The following HLCS variants were observed in gnomAD, a reference collection of about 807,000 sequenced individuals.
HLCS encodes the protein biotin--protein ligase.
In HLCS, 53 loss-of-function variants were observed where a neutral mutation model predicts 75.0. The ratio of observed to expected loss-of-function variants is 0.71; its 90% CI spans 0.57 to 0.89. The LOEUF (loss-of-function observed/expected upper bound fraction) is 0.89, where lower values mean the gene tolerates loss of function less well. Among genes scored for constraint, HLCS ranks in the 40% least tolerant of loss-of-function variants. HLCS has a pLI of 0.00. For synonymous variants in HLCS, 431 were observed against 428.6 expected, an observed-to-expected ratio of 1.01 and a Z score of -0.07; for missense variants, 966 against 1,074.0, an observed-to-expected ratio of 0.90 and a Z score of 1.41.
At chr21:36,881,471 C>T (rs1010177469) in intron 6 of HLCS, among the ~76,000 whole-genome samples, 4 of 152,140 alleles carry the variant, frequency 2.6e-5, no homozygotes, top group Non-Finnish European at 5.9e-5. Context: ...CTGGGAAGCA[C>T]GGAATGAAGC....
chr21:36,921,424 A>AAC (rs3838089), intron 5 of HLCS, among the ~76,000 whole-genome samples: 66,844 of 151,938 alleles, frequency 0.44, 15,508 homozygotes, highest in African/African-American at 0.59. Context: ...CAGCCTGGGT[A>AAC]AGAGTGAGAC....
chr21:36,962,635 C>A (rs1331109953), intron 1 of HLCS, among the ~76,000 whole-genome samples: 1 of 151,560 alleles, frequency 6.6e-6, no homozygotes, highest in Admixed American at 6.6e-5. Flanking sequence ...AAAAAACATA[C>A]CAAAAAAATG....
At chr21:36,983,173 T>C (rs1372145139) in intron 1 of HLCS, among the ~76,000 whole-genome samples, 1 of 148,814 alleles carries the variant, frequency 6.7e-6, no homozygotes, top group East Asian at 2.0e-4. Flanking sequence ...CCACGGTCCA[T>C]ACAACCTCTT....
intron 5 of HLCS, among the ~76,000 whole-genome samples, chr21:36,921,212 C>T (rs1337303241): frequency 3.3e-5 from 5 of 152,134 alleles, no homozygotes; most frequent in East Asian, 1.9e-4. Flanking sequence ...TTTGGGGAGC[C>T]GAGGCAGGCG....
At chr21:36,946,689 A>T (rs2067414138) in intron 2 of HLCS, among the ~76,000 whole-genome samples, 1 of 152,144 alleles carries the variant, frequency 6.6e-6, no homozygotes, top group Non-Finnish European at 1.5e-5. Flanking sequence ...GCAGGCCTTT[A>T]TGGCCAACTC....
At chr21:36,977,842 C>T (rs981845646) in intron 1 of HLCS, among the ~76,000 whole-genome samples, 3 of 151,918 alleles carry the variant, frequency 2.0e-5, no homozygotes, top group African/African-American at 7.3e-5. Context: ...AGAGAACAGC[C>T]ACACAGGCTA....
chr21:36,946,642 CTTGAGAAACATTGCG>C (rs1276650349), intron 2 of HLCS, among the ~76,000 whole-genome samples: 1 of 151,740 alleles, frequency 6.6e-6, no homozygotes, highest in Non-Finnish European at 1.5e-5. Context: ...AAAAAAAAAA[CTTGAGAAACATTGCG>C]TTTGAGGGGA....
chr21:36,972,152 T>A (rs2146712796), intron 1 of HLCS: 1 of 152,204 alleles, frequency 6.6e-6, no homozygotes, highest in East Asian at 1.9e-4. Flanking sequence ...CAGGACATGG[T>A]ACAAGATTTT....
Position 36,903,593 on chromosome 21 carries a change from A to T in HLCS, c.1621-6462T>A, listed in dbSNP as rs187219480. On this transcript the variant is annotated intron_variant, in intron 5 of 10. Transcript: ENST00000674895. ...ATTCAAAGTCAATGAAAACCAGGATAAAATGAAAAAGAAACAACCAGCACT... is the reference window on the plus strand; with the variant it reads ...ATTCAAAGTCAATGAAAACCAGGATTAAATGAAAAAGAAACAACCAGCACT... 1.6e-4 allele frequency among the ~76,000 whole-genome samples: 24 copies of T among 152,384 alleles called. No homozygotes were observed. In the East Asian group the frequency reaches 4.0e-3, roughly 26 times the overall value.
rs749174013 is a variant in HLCS at position 36,868,658 on chromosome 21, TA to T, written c.1892+28201del. 1.4e-3 allele frequency among the ~76,000 whole-genome samples: 204 copies of T among 145,502 alleles called. 4 individuals carry two copies. Among genetic ancestry groups the T allele is most frequent in the South Asian group, 0.01 (48 of 4,586 alleles). The stretch of plus-strand genomic sequence containing the variant: ...ATGATGACCAAAATAAAAATAGTCA[TA>T]AAAAAAAAAGGCGTCATGAGAACAT... On this transcript the variant is annotated intron_variant, in intron 6 of 10. Coordinates refer to ENST00000674895, the MANE Select transcript of HLCS (RefSeq NM_001352514.2).
At chr21:36,965,836 A>C (rs1271404337) in intron 1 of HLCS, among the ~76,000 whole-genome samples, 1 of 151,186 alleles carries the variant, frequency 6.6e-6, no homozygotes, top group Non-Finnish European at 1.5e-5. Flanking sequence ...GGCTCAAGTG[A>C]ACCTCCCGGG....
rs926273574 is a variant in HLCS at position 36,791,242 on chromosome 21, C to T, written c.1893-23957G>A. Among the ~76,000 whole-genome samples the T allele has an allele frequency of 3.3e-5, 5 of 152,076 alleles. No individual in the cohort carries two copies. In the East Asian group the frequency reaches 5.8e-4, roughly 18 times the overall value. On this transcript the variant is annotated intron_variant, in intron 6 of 10. Transcript: ENST00000674895. ...ATAAGGAAACCCCACATAGGATGTCCGGGGCAACAACATGCAGACCCCCAC... is the reference window on the plus strand; with the variant it reads ...ATAAGGAAACCCCACATAGGATGTCTGGGGCAACAACATGCAGACCCCCAC...
At chr21:36,917,380 C>T (rs758034181) in intron 5 of HLCS, among the ~76,000 whole-genome samples, 6 of 152,202 alleles carry the variant, frequency 3.9e-5, no homozygotes, top group African/African-American at 7.2e-5. Flanking sequence ...GATTTCCATC[C>T]TCATGGAGCC....
intron 6 of HLCS, among the ~76,000 whole-genome samples, chr21:36,801,160 G>A (rs1050537826): frequency 2.0e-5 from 3 of 152,156 alleles, no homozygotes; most frequent in Non-Finnish European, 4.4e-5. Flanking sequence ...TTAAAGACCA[G>A]ACTGGTCAAT....
At chr21:36,806,589 G>T (rs2061367398) in intron 6 of HLCS, among the ~76,000 whole-genome samples, 1 of 152,166 alleles carries the variant, frequency 6.6e-6, no homozygotes, top group Admixed American at 6.5e-5. Flanking sequence ...GGCAGAAAAG[G>T]CATTTGGTGC....
intron 5 of HLCS, among the ~76,000 whole-genome samples, chr21:36,905,844 G>T (rs139519360): frequency 6.6e-6 from 1 of 152,180 alleles, no homozygotes; most frequent in South Asian, 2.1e-4. Context: ...TTGAGGTCAG[G>T]AGTTCAAGAC....
At chr21:36,934,334 C>A (rs1336439579) in intron 4 of HLCS, among the ~76,000 whole-genome samples, 5 of 152,236 alleles carry the variant, frequency 3.3e-5, no homozygotes, top group Non-Finnish European at 7.3e-5. Flanking sequence ...GCCGAAAATG[C>A]ACAAGACTGT....
At chr21:36,769,219 G>T (rs868208627) in intron 6 of HLCS, among the ~76,000 whole-genome samples, 30 of 152,330 alleles carry the variant, frequency 2.0e-4, no homozygotes, top group African/African-American at 7.2e-4. Context: ...GAGGGAGTCT[G>T]TGCTGAAGGC....
chr21:36,899,239 TTACAG>T (rs2065138382), intron 5 of HLCS, among the ~76,000 whole-genome samples: 1 of 152,204 alleles, frequency 6.6e-6, no homozygotes, highest in African/African-American at 2.4e-5. Context: ...GGGGTATGTG[TTACAG>T]TATTCTCTCT....
Sources: gnomAD v4.1 joint callset for allele counts (sites outside exome capture counted in the v4.1 genomes callset) on GRCh38, gnomAD v4.1.1 for gene constraint, MANE v1.5 for transcripts, NCBI Gene and HGNC (gene_info 2026-07-23, HGNC 2026-07-21) for gene names.